Variants in IKZF1 observed in about 807,000 individuals in gnomAD.
IKZF1 encodes the protein DNA-binding protein Ikaros.
IKZF1 carries 10 observed loss-of-function variants against 51.7 expected under a neutral mutation model. The ratio of observed to expected loss-of-function variants is 0.19; its 90% CI spans 0.12 to 0.33. The LOEUF (loss-of-function observed/expected upper bound fraction) is 0.33, where lower values mean the gene tolerates loss of function less well. IKZF1 is among the 10% of genes least tolerant of loss of function. The probability of loss-of-function intolerance (pLI) is 1.00; values close to 1 mark genes in which losing one functional copy is unlikely to be tolerated. For synonymous variants in IKZF1, 280 were observed against 282.3 expected, an observed-to-expected ratio of 0.99 and a Z score of 0.08; for missense variants, 484 against 707.5, an observed-to-expected ratio of 0.68 and a Z score of 3.58.
chr7:50,320,010 T>A (rs568076176), intron 2 of IKZF1, among the ~76,000 whole-genome samples: 2 of 152,290 alleles, frequency 1.3e-5, no homozygotes, highest in South Asian at 4.1e-4. Context: ...CTGAGTTCCA[T>A]GGAACTGGAG....
Position 50,391,810 on chromosome 7 carries a change from G to A in IKZF1, c.797G>A (p.Arg266Lys). 6.2e-7 allele frequency: 1 copy of A among 1,614,002 alleles called. No homozygotes were observed. Among genetic ancestry groups the A allele is most frequent in the African/African-American group, 1.3e-5 (1 of 75,044 alleles). Residue 266 changes from arginine to lysine, a missense_variant, in exon 7 of 8, where the codon AGA becomes AAA. Coordinates refer to ENST00000331340, the MANE Select transcript of IKZF1 (RefSeq NM_006060.6). Reference sequence around the variant, plus strand: ...TCAGAGAGATCTCTCGTGCTGGACAGACTAGCAAGTAACGTCGCCAAACGT... The same window carrying A: ...TCAGAGAGATCTCTCGTGCTGGACAAACTAGCAAGTAACGTCGCCAAACGT... ...IGSERSLVLDRLASNVAKRKS... is the reference protein window; with the variant it reads ...IGSERSLVLDKLASNVAKRKS...
At chr7:50,306,711 C>A (rs761620613) in intron 1 of IKZF1, among the ~76,000 whole-genome samples, 37 of 152,216 alleles carry the variant, frequency 2.4e-4, no homozygotes, top group Non-Finnish European at 5.0e-4. Context: ...GCCAAGAGGT[C>A]TAAAGCCCTG....
rs1818230603 is a variant in IKZF1, at chr7:50,402,092, G to T, written c.*1465G>T. On this transcript the variant is annotated 3_prime_UTR_variant, in exon 8 of 8. Coordinates refer to ENST00000331340, the MANE Select transcript of IKZF1 (RefSeq NM_006060.6). ...ATGACATGGAGGCACTGAAGCCCGA[G>T]GAAGGTGTGTGGAGATTCTAATCCC... The T allele has an allele frequency of 8.8e-6, 2 of 227,374 alleles. No homozygotes were observed. Among genetic ancestry groups the T allele is most frequent in the Non-Finnish European group, 1.7e-5 (2 of 114,476 alleles). The allele number at this position is 227,374 out of a possible 1,614,324, so 14.1% of individuals were successfully genotyped here. A position where few individuals can be genotyped will look rare whatever the true frequency, so the allele number is the denominator to read the frequency against.
chr7:50,333,374 C>G (rs1796840138), intron 3 of IKZF1, among the ~76,000 whole-genome samples: 1 of 151,928 alleles, frequency 6.6e-6, no homozygotes, highest in Non-Finnish European at 1.5e-5. Flanking sequence ...GTCCTCTACA[C>G]TCTGGGAGGG....
intron 7 of IKZF1, among the ~76,000 whole-genome samples, chr7:50,397,956 A>G (rs12670555): frequency 0.4 from 60,160 of 152,154 alleles, 12,660 homozygotes; most frequent in Non-Finnish European, 0.49. Context: ...ATCCATTACA[A>G]AATAAGACAT....
chr7:50,392,735 G>A (rs1371001176), intron 7 of IKZF1, among the ~76,000 whole-genome samples: 1 of 152,208 alleles, frequency 6.6e-6, no homozygotes, highest in South Asian at 2.1e-4. Context: ...ACCAGTAAAA[G>A]CTTCATGAGG....
chr7:50,338,304 C>T lies in IKZF1; in HGVS notation c.160+10547C>T, dbSNP rs886656073. Among the ~76,000 whole-genome samples the T allele has an allele frequency of 7.6e-3, 1,157 of 152,250 alleles. 16 individuals are homozygous for T. Among genetic ancestry groups the T allele is most frequent in the African/African-American group, 0.026 (1,095 of 41,534 alleles). Reference sequence around the variant, plus strand: ...AACCTAATTCGTTCAATAAATAGAACCAACTTCTAGAAAATAAAGAGATCC... The same window carrying T: ...AACCTAATTCGTTCAATAAATAGAATCAACTTCTAGAAAATAAAGAGATCC... On this transcript the variant is annotated intron_variant, in intron 3 of 7. Transcript: ENST00000331340.
chr7:50,377,533 C>A (rs1346389712), intron 4 of IKZF1, among the ~76,000 whole-genome samples: 1 of 152,246 alleles, frequency 6.6e-6, no homozygotes, highest in African/African-American at 2.4e-5. Context: ...TGCCCCCTCA[C>A]CAGAGGCGTG....
At chr7:50,358,757 A>G (rs1372682495) in intron 3 of IKZF1, among the ~76,000 whole-genome samples, 1 of 152,158 alleles carries the variant, frequency 6.6e-6, no homozygotes, top group Non-Finnish European at 1.5e-5. Context: ...TAGTGAGACG[A>G]CCATGGAGAG....
At chr7:50,388,238 C>T (rs905659952) in intron 6 of IKZF1, among the ~76,000 whole-genome samples, 6 of 152,166 alleles carry the variant, frequency 3.9e-5, no homozygotes, top group Admixed American at 3.9e-4. Flanking sequence ...TAATCTCTTT[C>T]AAAACAGTAT....
chr7:50,331,438 CA>C (rs1188513813), intron 3 of IKZF1, among the ~76,000 whole-genome samples: 8,559 of 106,080 alleles, frequency 0.081, 290 homozygotes, highest in African/African-American at 0.12. Context: ...CTAAAAGATG[CA>C]AAAAAAAAAA....
intron 3 of IKZF1, 44 bp downstream of exon 3, chr7:50,327,801 C>A: frequency 6.5e-7 from 1 of 1,539,588 alleles, no homozygotes; most frequent in Non-Finnish European, 8.8e-7. Flanking sequence ...AAACCTTTAT[C>A]TCTTTGTATT....
intron 3 of IKZF1, among the ~76,000 whole-genome samples, chr7:50,366,297 A>G (rs928489779): frequency 1.3e-5 from 2 of 152,266 alleles, no homozygotes; most frequent in African/African-American, 4.8e-5. Context: ...ATATTACAGT[A>G]TTCTTCATAT....
At chr7:50,356,506 G>A (rs1351244371) in intron 3 of IKZF1, among the ~76,000 whole-genome samples, 2 of 152,300 alleles carry the variant, frequency 1.3e-5, no homozygotes, top group South Asian at 4.1e-4. Flanking sequence ...GTGTTTCTGT[G>A]TGTGTCTGTG....
At chr7:50,329,899 G>A (rs1050915399) in intron 3 of IKZF1, among the ~76,000 whole-genome samples, 1 of 152,246 alleles carries the variant, frequency 6.6e-6, no homozygotes, top group Non-Finnish European at 1.5e-5. Flanking sequence ...ATCGTGGCTA[G>A]GGCATCTTTA....
intron 3 of IKZF1, chr7:50,369,639 A>G (rs989068630): frequency 6.3e-5 from 25 of 398,386 alleles, no homozygotes; most frequent in East Asian, 2.1e-4. Context: ...CATGATGAAG[A>G]ATTGCCCCCT....
intron 3 of IKZF1, among the ~76,000 whole-genome samples, chr7:50,361,210 C>G (rs752632587): frequency 6.6e-6 from 1 of 152,152 alleles, no homozygotes; most frequent in Non-Finnish European, 1.5e-5. Flanking sequence ...ACCAAGCTTT[C>G]TTACCCCGTT....
chr7:50,379,382 T>C (rs1811209748), intron 4 of IKZF1, among the ~76,000 whole-genome samples: 1 of 152,250 alleles, frequency 6.6e-6, no homozygotes, highest in Admixed American at 6.5e-5. Context: ...CGGTCTCGCC[T>C]CTGCCCATAT....
At position 50,360,760 on chromosome 7, in the gene IKZF1, G is replaced by T. The variant is rs532977609; in HGVS notation, c.161-15773G>T. Among the ~76,000 whole-genome samples, 11 of 152,306 alleles carry T rather than the reference G, an allele frequency of 7.2e-5. No individual in the cohort carries two copies. In the South Asian group the frequency reaches 1.0e-3, roughly 14 times the overall value. On this transcript the variant is annotated intron_variant, in intron 3 of 7. Transcript: ENST00000331340. ...TCCGCAGCCCCATGTCGTCCCTTCC[G>T]CACTGCCTGCTGTGCCTCTCCTCTC...
Sources: allele counts gnomAD v4.1 joint callset (sites outside exome capture counted in the v4.1 genomes callset), GRCh38; gene constraint gnomAD v4.1.1; transcripts MANE v1.5; gene names NCBI Gene and HGNC (gene_info 2026-07-23, HGNC 2026-07-21).